Variants in CCSER1 observed in about 807,000 individuals in gnomAD.
CCSER1 encodes the protein coiled-coil serine rich protein 1.
CCSER1 carries 41 observed loss-of-function variants against 82.0 expected under a neutral mutation model. That is an observed-to-expected ratio of 0.50 (90% CI 0.39 to 0.65). The LOEUF (loss-of-function observed/expected upper bound fraction) is 0.65, where lower values mean the gene tolerates loss of function less well. Among genes scored for constraint, CCSER1 ranks in the 30% least tolerant of loss-of-function variants. The pLI is 0.00. For synonymous variants in CCSER1, 414 were observed against 383.9 expected (o/e 1.08, Z -0.92); for missense variants, 1,119 against 1,064.2 (o/e 1.05, Z -0.72).
chr4:90,984,961 C>T (rs1417677071), intron 9 of CCSER1, among the ~76,000 whole-genome samples: 1 of 151,680 alleles, frequency 6.6e-6, no homozygotes, highest in Non-Finnish European at 1.5e-5. Context: ...ACTTCCATCT[C>T]CCTTGGCTAA....
intron 5 of CCSER1, among the ~76,000 whole-genome samples, chr4:90,600,744 G>A (rs1353166423): frequency 6.6e-6 from 1 of 151,430 alleles, no homozygotes; most frequent in Non-Finnish European, 1.5e-5. Context: ...ATTGATCAAT[G>A]TCTCTCAAAA....
chr4:90,433,365 T>A (rs897028511), intron 4 of CCSER1, among the ~76,000 whole-genome samples: 5 of 152,144 alleles, frequency 3.3e-5, no homozygotes, highest in African/African-American at 1.2e-4. Flanking sequence ...AAATTGCTCA[T>A]TATTGACTAA....
At position 91,144,664 on chromosome 4, in the gene CCSER1, GT is replaced by G. The variant is rs374027063; in HGVS notation, c.2217+58680del. On this transcript the variant is annotated intron_variant, in intron 10 of 10. Transcript: ENST00000509176. ...GGAGATTTTGGTATATTGTGTCTTT[GT>G]TTTTTTTTTATTTCCAACAAGTTTT... Among the ~76,000 whole-genome samples, 17 of 140,940 alleles carry G rather than the reference GT, an allele frequency of 1.2e-4. No homozygotes were observed. In the East Asian group the frequency reaches 1.5e-3, roughly 12 times the overall value. The allele number at this position is 140,940 out of a possible 152,430, so 92.5% of individuals were successfully genotyped here. A position where few individuals can be genotyped will look rare whatever the true frequency, so the allele number is the denominator to read the frequency against.
chr4:90,905,936 T>C (rs895203414), intron 8 of CCSER1, among the ~76,000 whole-genome samples: 5 of 152,148 alleles, frequency 3.3e-5, no homozygotes, highest in African/African-American at 4.8e-5. Context: ...ACAATTTTAT[T>C]TTAGTTCTAA....
At chr4:90,809,344 A>G (rs1051183749) in intron 7 of CCSER1, among the ~76,000 whole-genome samples, 6 of 148,924 alleles carry the variant, frequency 4.0e-5, no homozygotes, top group Middle Eastern at 3.2e-3. Flanking sequence ...ACACACACGC[A>G]CACACACAGC....
At chr4:90,296,586 G>A (rs1731993562) in intron 1 of CCSER1, among the ~76,000 whole-genome samples, 1 of 152,142 alleles carries the variant, frequency 6.6e-6, no homozygotes, top group Admixed American at 6.6e-5. Context: ...GTCCTGAATG[G>A]TAATGCCTAG....
At chr4:90,778,202 TA>T (rs1262215797) in intron 7 of CCSER1, among the ~76,000 whole-genome samples, 2 of 152,172 alleles carry the variant, frequency 1.3e-5, no homozygotes, top group Non-Finnish European at 2.9e-5. Context: ...TGATTGCAAG[TA>T]GTAGAAAATT....
rs2110363827 is a variant in CCSER1 at position 91,599,706 on chromosome 4, C to T, written c.*649C>T. ...ATACTAGTTCACAAAGGATTTCAGACAGAGTAATTGCTAGCCAAATAGAGA... is the reference window on the plus strand; with the variant it reads ...ATACTAGTTCACAAAGGATTTCAGATAGAGTAATTGCTAGCCAAATAGAGA... On this transcript the variant is annotated 3_prime_UTR_variant, in exon 11 of 11. Coordinates refer to ENST00000509176, the MANE Select transcript of CCSER1 (RefSeq NM_001145065.2). 1 of 152,070 alleles carries T rather than the reference C, an allele frequency of 6.6e-6. No homozygotes were observed. Among genetic ancestry groups the T allele is most frequent in the East Asian group, 1.9e-4 (1 of 5,180 alleles). The allele number at this position is 152,070 out of a possible 1,614,324, so 9.4% of individuals were successfully genotyped here. A position where few individuals can be genotyped will look rare whatever the true frequency, so the allele number is the denominator to read the frequency against.
chr4:91,033,359 A>T (rs1287308709), intron 9 of CCSER1, among the ~76,000 whole-genome samples: 1 of 152,146 alleles, frequency 6.6e-6, no homozygotes, highest in African/African-American at 2.4e-5. Context: ...AGTGACTTTC[A>T]GAGAAGTATT....
At chr4:90,448,480 TATATA>T (rs1560533170) in intron 4 of CCSER1, among the ~76,000 whole-genome samples, 5 of 139,552 alleles carry the variant, frequency 3.6e-5, no homozygotes, top group African/African-American at 1.3e-4. Context: ...TATATATATA[TATATA>T]GCACTTTTCT....
At chr4:90,397,340 A>G (rs1752101976) in intron 3 of CCSER1, among the ~76,000 whole-genome samples, 1 of 152,222 alleles carries the variant, frequency 6.6e-6, no homozygotes, top group Non-Finnish European at 1.5e-5. Flanking sequence ...GTGAAATGTT[A>G]GAATAGCAGT....
chr4:90,913,931 CAAG>C (rs1222158606), intron 8 of CCSER1, among the ~76,000 whole-genome samples: 5 of 152,146 alleles, frequency 3.3e-5, no homozygotes, highest in Non-Finnish European at 5.9e-5. Flanking sequence ...ATCAATTCAA[CAAG>C]AAGAAGTAAT....
At chr4:90,589,049 A>C (rs563437745) in intron 5 of CCSER1, among the ~76,000 whole-genome samples, 74 of 152,282 alleles carry the variant, frequency 4.9e-4, no homozygotes, top group African/African-American at 1.5e-3. Context: ...AATTGATTAC[A>C]ATCTAATATG....
chr4:91,211,245 G>A (rs1352645408), intron 10 of CCSER1, among the ~76,000 whole-genome samples: 1 of 151,932 alleles, frequency 6.6e-6, no homozygotes, highest in Non-Finnish European at 1.5e-5. Flanking sequence ...CTTGAACTAG[G>A]GATATAACGG....
At chr4:90,893,740 T>G (rs1464081112) in intron 8 of CCSER1, among the ~76,000 whole-genome samples, 2 of 151,222 alleles carry the variant, frequency 1.3e-5, no homozygotes, top group Non-Finnish European at 3.0e-5. Flanking sequence ...GACATCTTGT[T>G]GAACACCTGA....
intron 9 of CCSER1, among the ~76,000 whole-genome samples, chr4:91,050,882 A>G (rs912044223): frequency 6.6e-6 from 1 of 152,136 alleles, no homozygotes; most frequent in Non-Finnish European, 1.5e-5. Context: ...CTCGTTGAAA[A>G]CAGACAAGAA....
At chr4:91,012,562 G>T (rs2150505186) in intron 9 of CCSER1, among the ~76,000 whole-genome samples, 1 of 151,766 alleles carries the variant, frequency 6.6e-6, no homozygotes, top group Admixed American at 6.6e-5. Flanking sequence ...CCCATGGATA[G>T]GGTGTAGTAG....
At chr4:90,859,587 T>A (rs1329976717) in intron 8 of CCSER1, among the ~76,000 whole-genome samples, 1 of 151,812 alleles carries the variant, frequency 6.6e-6, no homozygotes, top group Non-Finnish European at 1.5e-5. Context: ...GAACTTCAAA[T>A]TTCTATTTCT....
intron 1 of CCSER1, among the ~76,000 whole-genome samples, chr4:90,281,007 T>C (rs1728748768): frequency 6.6e-6 from 1 of 152,034 alleles, no homozygotes; most frequent in Non-Finnish European, 1.5e-5. Flanking sequence ...TTTTCATACA[T>C]CCATACTATT....
Sources: gnomAD v4.1 joint callset for allele counts (sites outside exome capture counted in the v4.1 genomes callset) on GRCh38, gnomAD v4.1.1 for gene constraint, MANE v1.5 for transcripts, NCBI Gene and HGNC (gene_info 2026-07-23, HGNC 2026-07-21) for gene names.